The following BICC1 variants were observed in gnomAD, a reference collection of about 807,000 sequenced individuals.
BICC1 encodes protein bicaudal C homolog 1.
In BICC1, 43 loss-of-function variants were observed where a neutral mutation model predicts 111.0. That is an observed-to-expected ratio of 0.39 (90% CI 0.30 to 0.50). The LOEUF is 0.50. Ranked by LOEUF, BICC1 falls within the 20% of genes least tolerant of loss-of-function variation. The probability of loss-of-function intolerance (pLI) is 0.88; values close to 1 mark genes in which losing one functional copy is unlikely to be tolerated. For synonymous variants in BICC1, 467 were observed against 434.4 expected, an observed-to-expected ratio of 1.07 and a Z score of -0.93; for missense variants, 1,091 against 1,203.2, an observed-to-expected ratio of 0.91 and a Z score of 1.38.
At chr10:58,787,938 G>A (rs1193974984) in intron 5 of BICC1, among the ~76,000 whole-genome samples, 5 of 152,136 alleles carry the variant, frequency 3.3e-5, no homozygotes, top group African/African-American at 1.2e-4. Flanking sequence ...CGAGGTAGAT[G>A]TTGGAGCAAT....
At chr10:58,755,503 G>A (rs2034373059) in intron 3 of BICC1, among the ~76,000 whole-genome samples, 1 of 152,120 alleles carries the variant, frequency 6.6e-6, no homozygotes, top group Non-Finnish European at 1.5e-5. Context: ...AGAAATCACT[G>A]GGCTCTGGCA....
intron 3 of BICC1, among the ~76,000 whole-genome samples, chr10:58,753,196 T>G (rs563027061): frequency 2.4e-4 from 36 of 152,228 alleles, no homozygotes; most frequent in African/African-American, 7.5e-4. Flanking sequence ...AGGGCATCCC[T>G]TTGTCACCCA....
intron 1 of BICC1, among the ~76,000 whole-genome samples, chr10:58,550,219 G>T (rs1843259381): frequency 6.6e-6 from 1 of 151,976 alleles, no homozygotes; most frequent in Non-Finnish European, 1.5e-5. Context: ...ACGGGGTTTT[G>T]CTATGTTGAC....
intron 2 of BICC1, among the ~76,000 whole-genome samples, chr10:58,636,382 A>G (rs770997561): frequency 4.1e-4 from 62 of 152,306 alleles, no homozygotes; most frequent in Middle Eastern, 3.4e-3. Context: ...AACACAGTAA[A>G]TTAAATATTA....
intron 3 of BICC1, among the ~76,000 whole-genome samples, chr10:58,740,291 A>G (rs192793521): frequency 2.5e-3 from 379 of 152,318 alleles, no homozygotes; most frequent in Non-Finnish European, 4.1e-3. Flanking sequence ...TGAATTCTAA[A>G]AGATTTGCAC....
intron 1 of BICC1, among the ~76,000 whole-genome samples, chr10:58,526,323 G>T (rs1842541345): frequency 3.3e-5 from 5 of 151,852 alleles, no homozygotes; most frequent in Admixed American, 3.3e-4. Flanking sequence ...TTTGTATGTT[G>T]TGGAGATGTA....
chr10:58,685,429 T>C (rs956210736), intron 2 of BICC1, among the ~76,000 whole-genome samples: 1 of 152,218 alleles, frequency 6.6e-6, no homozygotes, highest in Non-Finnish European at 1.5e-5. Flanking sequence ...CCTTGTTAAC[T>C]TTTTGTCTCA....
chr10:58,775,864 C>T (rs953032789), intron 3 of BICC1, among the ~76,000 whole-genome samples: 5 of 152,032 alleles, frequency 3.3e-5, no homozygotes, highest in Non-Finnish European at 7.4e-5. Context: ...TGAATATTAC[C>T]AACTTTGAGA....
chr10:58,813,134 A>AT (rs1843964511), intron 17 of BICC1, among the ~76,000 whole-genome samples: 1 of 152,194 alleles, frequency 6.6e-6, no homozygotes, highest in Admixed American at 6.5e-5. Context: ...CCTAATGAAC[A>AT]TAATATTTTG....
chr10:58,603,260 T>C (rs145442257), intron 1 of BICC1, among the ~76,000 whole-genome samples: 1,713 of 152,314 alleles, frequency 0.011, 16 homozygotes, highest in Middle Eastern at 0.024. Context: ...ATGGGATAGA[T>C]GGTAATGAGT....
intron 3 of BICC1, among the ~76,000 whole-genome samples, chr10:58,752,689 C>T (rs1449826231): frequency 1.1e-4 from 16 of 152,170 alleles, no homozygotes; most frequent in Admixed American, 9.2e-4. Context: ...CACATCTGCC[C>T]TGAATGCTAA....
At chr10:58,539,983 A>G (rs956136376) in intron 1 of BICC1, among the ~76,000 whole-genome samples, 1 of 151,968 alleles carries the variant, frequency 6.6e-6, no homozygotes, top group African/African-American at 2.4e-5. Context: ...AAAACTAGAA[A>G]ATTCACAAAT....
chr10:58,794,326 G>A (rs1843282347), intron 9 of BICC1, among the ~76,000 whole-genome samples: 1 of 151,946 alleles, frequency 6.6e-6, no homozygotes, highest in East Asian at 1.9e-4. Flanking sequence ...TTTAAGGACT[G>A]AACTGTCTCA....
Position 58,800,901 on chromosome 10 carries a change from G to T in BICC1, c.1870G>T (p.Ala624Ser). ...CTTTTCCTCTGCAGGTTGTAATGAT[G>T]CTTTTGTTGAAGTAGGCATGCCTCG... ...KSSPTEGCNDAFVEVGMPRSP... is the reference protein window; with the variant it reads ...KSSPTEGCNDSFVEVGMPRSP... Residue 624 changes from alanine (A) to serine (S), a missense_variant, in exon 14 of 21, where the codon GCT (alanine) becomes TCT (serine). Ala to Ser is a moderately conservative substitution (Grantham distance 99). Transcript: ENST00000373886. The T allele has an allele frequency of 6.3e-7, 1 of 1,598,622 alleles. No homozygotes were observed. The highest frequency in any genetic ancestry group is 8.5e-7 in the Non-Finnish European group (1 of 1,173,830).
chr10:58,625,737 T>G (rs1047051639), intron 2 of BICC1, among the ~76,000 whole-genome samples: 6 of 152,168 alleles, frequency 3.9e-5, no homozygotes, highest in Non-Finnish European at 1.5e-5. Context: ...TGTTGTCTTC[T>G]GGGGGAAATT....
intron 10 of BICC1, among the ~76,000 whole-genome samples, chr10:58,796,874 C>T (rs996859317): frequency 4.0e-5 from 6 of 151,558 alleles, no homozygotes; most frequent in African/African-American, 1.5e-4. Flanking sequence ...GTCTTCAGTC[C>T]CTAGAGATAA....
chr10:58,555,110 T>A (rs1843408036), intron 1 of BICC1, among the ~76,000 whole-genome samples: 1 of 151,934 alleles, frequency 6.6e-6, no homozygotes, highest in African/African-American at 2.4e-5. Context: ...CCATTTTAGC[T>A]GAAATGGTTT....
At chr10:58,526,880 A>G (rs536948183) in intron 1 of BICC1, among the ~76,000 whole-genome samples, 3 of 152,346 alleles carry the variant, frequency 2.0e-5, no homozygotes, top group East Asian at 1.9e-4. Flanking sequence ...TAGTGCCACA[A>G]TAAACATACA....
chr10:58,564,342 C>A (rs1460721973), intron 1 of BICC1, among the ~76,000 whole-genome samples: 1 of 152,114 alleles, frequency 6.6e-6, no homozygotes, highest in Non-Finnish European at 1.5e-5. Flanking sequence ...GGTGTCTGAA[C>A]CAGTGGGGCT....
Sources: allele counts gnomAD v4.1 joint callset (sites outside exome capture counted in the v4.1 genomes callset), GRCh38; gene constraint gnomAD v4.1.1; transcripts MANE v1.5; gene names NCBI Gene and HGNC (gene_info 2026-07-23, HGNC 2026-07-21).